The following TSHZ2 variants were observed in gnomAD, a reference collection of about 807,000 sequenced individuals.
TSHZ2 encodes the protein teashirt zinc finger homeobox 2.
Under a neutral mutation model 74.4 loss-of-function variants are expected in TSHZ2, and 21 were observed. The observed-to-expected ratio is 0.28, with a 90% CI of 0.20 to 0.41. The LOEUF (loss-of-function observed/expected upper bound fraction) is 0.41. Ranked by LOEUF, TSHZ2 falls within the 10% of genes least tolerant of loss-of-function variation. The probability of loss-of-function intolerance (pLI) is 1.00; values close to 1 mark genes in which losing one functional copy is unlikely to be tolerated. For synonymous variants in TSHZ2, 540 were observed against 515.3 expected, an observed-to-expected ratio of 1.05 and a Z score of -0.65; for missense variants, 1,244 against 1,293.5, an observed-to-expected ratio of 0.96 and a Z score of 0.59.
chr20:53,427,039 A>G (rs1983681570), intron 2 of TSHZ2, among the ~76,000 whole-genome samples: 1 of 152,216 alleles, frequency 6.6e-6, no homozygotes, highest in Admixed American at 6.5e-5. Context: ...TTTTGAAATT[A>G]AAAACAAATG....
intron 2 of TSHZ2, among the ~76,000 whole-genome samples, chr20:53,482,040 G>A (rs1412255185): frequency 1.4e-5 from 2 of 141,208 alleles, no homozygotes; most frequent in Non-Finnish European, 3.0e-5. Flanking sequence ...GGAGGTAGAA[G>A]TTGCAGTGAG....
chr20:53,403,871 A>C (rs1318495343), intron 2 of TSHZ2, among the ~76,000 whole-genome samples: 1 of 152,068 alleles, frequency 6.6e-6, no homozygotes, highest in Non-Finnish European at 1.5e-5. Context: ...TGCTGAATGG[A>C]TGCATTCTTT....
chr20:53,190,393 G>A (rs1206861281), intron 1 of TSHZ2, among the ~76,000 whole-genome samples: 1 of 151,362 alleles, frequency 6.6e-6, no homozygotes, highest in Non-Finnish European at 1.5e-5. Flanking sequence ...GACAGGAAGT[G>A]GCAGCAGCAG....
intron 1 of TSHZ2, among the ~76,000 whole-genome samples, chr20:53,132,414 A>C (rs1987129745): frequency 6.6e-6 from 1 of 150,762 alleles, no homozygotes; most frequent in African/African-American, 2.5e-5. Context: ...AGGTTCAAGC[A>C]ATTCTCCTGC....
chr20:53,162,469 A>G (rs1987965557), intron 1 of TSHZ2, among the ~76,000 whole-genome samples: 1 of 152,330 alleles, frequency 6.6e-6, no homozygotes, highest in East Asian at 1.9e-4. Flanking sequence ...ACTCGACTTC[A>G]GTTTCTCTGA....
At chr20:53,238,329 A>G (rs1458710092) in intron 1 of TSHZ2, among the ~76,000 whole-genome samples, 2 of 152,198 alleles carry the variant, frequency 1.3e-5, no homozygotes, top group East Asian at 3.9e-4. Context: ...AACATAGTGT[A>G]GTTCACCAAA....
At chr20:53,149,544 C>G (rs185512475) in intron 1 of TSHZ2, among the ~76,000 whole-genome samples, 4 of 152,304 alleles carry the variant, frequency 2.6e-5, no homozygotes, top group Non-Finnish European at 1.5e-5. Context: ...TGCTTTAGTT[C>G]AGTTCTAGTG....
intron 2 of TSHZ2, among the ~76,000 whole-genome samples, chr20:53,298,273 C>A (rs1465499307): frequency 6.6e-6 from 1 of 152,174 alleles, no homozygotes; most frequent in African/African-American, 2.4e-5. Context: ...AGGAGAGGGG[C>A]AGAGAACAAA....
At chr20:53,408,029 TA>T (rs1201350278) in intron 2 of TSHZ2, among the ~76,000 whole-genome samples, 2 of 152,194 alleles carry the variant, frequency 1.3e-5, no homozygotes, top group Non-Finnish European at 2.9e-5. Context: ...CACCCTGATT[TA>T]AGGGGTTGTT....
At position 53,114,593 on chromosome 20, in the gene TSHZ2, TAAAATGGG is replaced by T. The variant is rs561394438; in HGVS notation, c.41-138905_41-138898del. Among the ~76,000 whole-genome samples the T allele has an allele frequency of 4.1e-4, 62 of 152,274 alleles. No homozygotes were observed. The South Asian group carries it at 0.011, about 27-fold the overall frequency. ...GTCAGCAAGTTAGAAATTTGAGGTG[TAAAATGGG>T]CTTCTCAGTGCAAACTTGTTGGTGT... On this transcript the variant is annotated intron_variant, in intron 1 of 2. Coordinates refer to ENST00000371497, the MANE Select transcript of TSHZ2 (RefSeq NM_173485.6).
intron 1 of TSHZ2, among the ~76,000 whole-genome samples, chr20:53,025,533 G>A (rs1356281356): frequency 6.6e-6 from 1 of 152,176 alleles, no homozygotes; most frequent in African/African-American, 2.4e-5. Context: ...AAGGAGCCAA[G>A]GATCACATCA....
chr20:52,978,599 A>G (rs926782188), intron 1 of TSHZ2, among the ~76,000 whole-genome samples: 1 of 152,174 alleles, frequency 6.6e-6, no homozygotes, highest in South Asian at 2.1e-4. Context: ...AGTCAGTTGG[A>G]AATACATTTA....
chr20:53,138,445 G>A (rs1418341670), intron 1 of TSHZ2, among the ~76,000 whole-genome samples: 1 of 149,660 alleles, frequency 6.7e-6, no homozygotes, highest in Admixed American at 6.6e-5. Context: ...ATAGCAAATA[G>A]TCACCTTAAG....
intron 1 of TSHZ2, among the ~76,000 whole-genome samples, chr20:53,153,713 C>T (rs1008706197): frequency 1.5e-4 from 23 of 152,116 alleles, no homozygotes; most frequent in African/African-American, 5.6e-4. Flanking sequence ...AAAAGAGTGT[C>T]CAGTTTGCCC....
At chr20:53,283,877 G>A (rs924984433) in intron 2 of TSHZ2, among the ~76,000 whole-genome samples, 1 of 152,222 alleles carries the variant, frequency 6.6e-6, no homozygotes, top group Non-Finnish European at 1.5e-5. Context: ...TTTCCTGCAT[G>A]CTTGGTCTGT....
chr20:53,224,891 A>T (rs1989648081), intron 1 of TSHZ2, among the ~76,000 whole-genome samples: 1 of 151,824 alleles, frequency 6.6e-6, no homozygotes, highest in South Asian at 2.1e-4. Flanking sequence ...AATGGTTGTT[A>T]TCATTGGGTT....
At chr20:53,361,024 C>T (rs1981029679) in intron 2 of TSHZ2, among the ~76,000 whole-genome samples, 1 of 152,216 alleles carries the variant, frequency 6.6e-6, no homozygotes, top group Non-Finnish European at 1.5e-5. Context: ...GAAAAATCCA[C>T]ACGTGCTGAA....
chr20:53,073,945 A>G (rs1311888089), intron 1 of TSHZ2, among the ~76,000 whole-genome samples: 1 of 152,142 alleles, frequency 6.6e-6, no homozygotes, highest in African/African-American at 2.4e-5. Flanking sequence ...TGGGGGCAGG[A>G]TTTTGCTACA....
chr20:53,221,433 G>A (rs762129647), intron 1 of TSHZ2, among the ~76,000 whole-genome samples: 8 of 152,110 alleles, frequency 5.3e-5, no homozygotes, highest in Admixed American at 1.3e-4. Context: ...ACCTATTTTT[G>A]TTATCTTCTG....
Sources: gnomAD v4.1 joint callset for allele counts (sites outside exome capture counted in the v4.1 genomes callset) on GRCh38, gnomAD v4.1.1 for gene constraint, MANE v1.5 for transcripts, NCBI Gene and HGNC (gene_info 2026-07-23, HGNC 2026-07-21) for gene names.